The following SESTD1 variants were observed in gnomAD, a reference collection of about 807,000 sequenced individuals.
SESTD1 encodes the protein SEC14 and spectrin domain containing 1.
A neutral mutation model predicts 101.7 loss-of-function variants in SESTD1; 43 were observed. That is an observed-to-expected ratio of 0.42 (90% CI 0.33 to 0.55). The LOEUF is 0.55. Ranked by LOEUF, SESTD1 falls within the 20% of genes least tolerant of loss-of-function variation. SESTD1 has a pLI of 0.07. For missense variants in SESTD1, 647 were observed against 815.1 expected, an observed-to-expected ratio of 0.79 and a Z score of 2.51; for synonymous variants, 283 against 286.8, an observed-to-expected ratio of 0.99 and a Z score of 0.13.
At chr2:179,264,243 C>T (rs1264191324) in intron 1 of SESTD1, 5 of 152,056 alleles carry the variant, frequency 3.3e-5, no homozygotes, top group Non-Finnish European at 5.9e-5. Context: ...CAAAGGCGGC[C>T]CGCAGGGCTC....
intron 13 of SESTD1, among the ~76,000 whole-genome samples, chr2:179,119,143 G>A (rs772940465): frequency 3.3e-5 from 5 of 152,190 alleles, no homozygotes; most frequent in Non-Finnish European, 5.9e-5. Flanking sequence ...GGAAGTCACT[G>A]AAGGAAGTTT....
At chr2:179,157,850 A>G in intron 5 of SESTD1, among the ~76,000 whole-genome samples, 1 of 152,182 alleles carries the variant, frequency 6.6e-6, no homozygotes. Context: ...GTTTCTTTGC[A>G]ATATTTCTCT....
intron 9 of SESTD1, among the ~76,000 whole-genome samples, chr2:179,136,267 T>A (rs565440197): frequency 5.9e-5 from 9 of 152,326 alleles, no homozygotes; most frequent in Non-Finnish European, 1.3e-4. Context: ...GACAGCACAT[T>A]AATGATACTA....
chr2:179,214,539 G>T (rs556189128), intron 1 of SESTD1, among the ~76,000 whole-genome samples: 1 of 133,352 alleles, frequency 7.5e-6, no homozygotes, highest in Admixed American at 7.3e-5. Flanking sequence ...CACAATAATG[G>T]GAGAATTTAA....
At chr2:179,262,284 T>C (rs1237102336) in intron 1 of SESTD1, among the ~76,000 whole-genome samples, 1 of 152,228 alleles carries the variant, frequency 6.6e-6, no homozygotes, top group African/African-American at 2.4e-5. Flanking sequence ...TGCCGACATT[T>C]GCATAATTTT....
chr2:179,247,641 T>A (rs1372240396), intron 1 of SESTD1, among the ~76,000 whole-genome samples: 1 of 151,940 alleles, frequency 6.6e-6, no homozygotes, highest in Non-Finnish European at 1.5e-5. Context: ...GATCTCGTTA[T>A]GTTGCCTAGG....
chr2:179,249,883 CCA>C (rs1447797979), intron 1 of SESTD1, among the ~76,000 whole-genome samples: 1 of 139,506 alleles, frequency 7.2e-6, no homozygotes, highest in African/African-American at 2.8e-5. Context: ...AACTGAATAT[CCA>C]CAGGCAAAAA....
chr2:179,256,341 A>ATATACTGACATGAATAGGAG (rs1399226891), intron 1 of SESTD1, among the ~76,000 whole-genome samples: 61 of 152,208 alleles, frequency 4.0e-4, no homozygotes, highest in Non-Finnish European at 5.9e-4. Context: ...GGAGGTCAAA[A>ATATACTGACATGAATAGGAG]TATACTGACA....
At chr2:179,138,709 A>G (rs1003195074) in intron 9 of SESTD1, among the ~76,000 whole-genome samples, 2 of 151,940 alleles carry the variant, frequency 1.3e-5, no homozygotes, top group African/African-American at 4.8e-5. Context: ...TACATAAAAT[A>G]CACGCCAAAA....
intron 4 of SESTD1, among the ~76,000 whole-genome samples, chr2:179,174,713 C>A (rs1170729739): frequency 6.6e-6 from 1 of 152,150 alleles, no homozygotes; most frequent in African/African-American, 2.4e-5. Flanking sequence ...GTAATCTCAG[C>A]GATTTGGGAG....
chr2:179,250,173 C>T (rs976090548), intron 1 of SESTD1, among the ~76,000 whole-genome samples: 9 of 151,548 alleles, frequency 5.9e-5, no homozygotes, highest in Non-Finnish European at 1.2e-4. Context: ...TGAAACCCAA[C>T]AGTTAAAAAA....
intron 1 of SESTD1, among the ~76,000 whole-genome samples, chr2:179,239,261 AT>A (rs1196737781): frequency 6.6e-6 from 1 of 152,174 alleles, no homozygotes; most frequent in African/African-American, 2.4e-5. Context: ...TGAGAGAATA[AT>A]CCTGAATTCT....
Position 179,121,837 on chromosome 2 carries a change from T to C in SESTD1, c.1375A>G (p.Ile459Val). The C allele has an allele frequency of 6.2e-7, 1 of 1,608,916 alleles. No homozygotes were observed. The change falls in exon 13 of 18, where the codon ATT becomes GTT. Residue 459 changes from isoleucine (I) to valine (V), a missense_variant. Physicochemically the swap from Ile to Val is conservative, Grantham distance 29 (BLOSUM62 3). Coordinates refer to ENST00000428443, the MANE Select transcript of SESTD1 (RefSeq NM_178123.5). ...ASWAYGKDVT[I>V]ENKENVDHIQ... is the part of the protein sequence containing the mutation. ...TGGTCCACATTTTCTTTATTTTCAATGGTTACATCCTTTCCATAGGCCCAG... is the reference window on the plus strand; with the variant it reads ...TGGTCCACATTTTCTTTATTTTCAACGGTTACATCCTTTCCATAGGCCCAG...
intron 3 of SESTD1, among the ~76,000 whole-genome samples, chr2:179,180,042 G>A (rs1379259238): frequency 6.6e-6 from 1 of 152,046 alleles, no homozygotes; most frequent in African/African-American, 2.4e-5. Context: ...CTATCACTCT[G>A]ACTCTTTTCA....
At chr2:179,172,535 AT>A (rs1425020365) in intron 4 of SESTD1, among the ~76,000 whole-genome samples, 5 of 152,170 alleles carry the variant, frequency 3.3e-5, no homozygotes, top group Admixed American at 1.3e-4. Context: ...GTAAGAGTTA[AT>A]TTTTAGTTGG....
intron 4 of SESTD1, chr2:179,174,524 C>G (rs1392949981): frequency 6.9e-6 from 3 of 432,840 alleles, no homozygotes; most frequent in Non-Finnish European, 9.3e-6. Flanking sequence ...GGATTTCTTA[C>G]CTAATAGTTA....
intron 1 of SESTD1, among the ~76,000 whole-genome samples, chr2:179,217,254 C>T (rs2046736401): frequency 6.6e-6 from 1 of 152,106 alleles, no homozygotes; most frequent in South Asian, 2.1e-4. Context: ...GGCTAATATC[C>T]AGAATCTACA....
chr2:179,172,086 T>C, intron 5 of SESTD1, 34 bp downstream of exon 5: 1 of 1,314,728 alleles, frequency 7.6e-7, no homozygotes, highest in Non-Finnish European at 1.1e-6. Flanking sequence ...TTTTTAAAGA[T>C]ATAATGGACT....
intron 3 of SESTD1, among the ~76,000 whole-genome samples, chr2:179,182,399 A>G (rs1025069371): frequency 6.6e-6 from 1 of 152,128 alleles, no homozygotes; most frequent in African/African-American, 2.4e-5. Context: ...TCCCAAGAAC[A>G]ATTGGATCAG....
Sources: allele counts gnomAD v4.1 joint callset (sites outside exome capture counted in the v4.1 genomes callset), GRCh38; gene constraint gnomAD v4.1.1; transcripts MANE v1.5; gene names NCBI Gene and HGNC (gene_info 2026-07-23, HGNC 2026-07-21).